ZBTB8B: variants seen among roughly 807,000 people sequenced by gnomAD.
ZBTB8B encodes the protein zinc finger and BTB domain containing 8B, also known as zinc finger and BTB domain-containing protein 8B.
Under a neutral mutation model 30.3 loss-of-function variants are expected in ZBTB8B, and 17 were observed. That is an observed-to-expected ratio of 0.56 (90% confidence interval 0.38 to 0.84). The LOEUF is 0.84. Ranked by LOEUF, ZBTB8B falls within the 40% of genes least tolerant of loss-of-function variation. The probability of loss-of-function intolerance (pLI) is 0.00; values close to 1 mark genes in which losing one functional copy is unlikely to be tolerated. For missense variants in ZBTB8B, 515 were observed against 644.9 expected (o/e 0.80, Z 2.18); for synonymous variants, 248 against 255.6 (o/e 0.97, Z 0.28).
At chr1:32,466,443 G>C (rs1643571149) in intron 1 of ZBTB8B, among the ~76,000 whole-genome samples, 1 of 152,182 alleles carries the variant, frequency 6.6e-6, no homozygotes, top group South Asian at 2.1e-4. Flanking sequence ...TTCCCTGCCA[G>C]AGTGCGGATA....
At chr1:32,469,692 C>A (rs1016085376) in intron 1 of ZBTB8B, among the ~76,000 whole-genome samples, 1 of 152,142 alleles carries the variant, frequency 6.6e-6, no homozygotes, top group Non-Finnish European at 1.5e-5. Context: ...TGGGTCATCT[C>A]CTACCCTCAA....
At chr1:32,476,079 A>C (rs1643662961) in intron 2 of ZBTB8B, among the ~76,000 whole-genome samples, 1 of 151,938 alleles carries the variant, frequency 6.6e-6, no homozygotes, top group African/African-American at 2.4e-5. Flanking sequence ...CAGCCTCCTA[A>C]AGTGCTGGGA....
At chr1:32,467,040 A>C (rs12028296) in intron 1 of ZBTB8B, among the ~76,000 whole-genome samples, 2 of 152,084 alleles carry the variant, frequency 1.3e-5, no homozygotes, top group Admixed American at 1.3e-4. Flanking sequence ...GCCTGTAGTC[A>C]CAGCTACTTG....
intron 3 of ZBTB8B, among the ~76,000 whole-genome samples, chr1:32,483,584 T>C (rs1185391162): frequency 6.6e-6 from 1 of 152,014 alleles, no homozygotes; most frequent in Non-Finnish European, 1.5e-5. Flanking sequence ...TTAGGAGAAA[T>C]ACCTAATGTG....
At chr1:32,481,957 C>T (rs1205042595) in intron 3 of ZBTB8B, among the ~76,000 whole-genome samples, 1 of 152,160 alleles carries the variant, frequency 6.6e-6, no homozygotes, top group Non-Finnish European at 1.5e-5. Flanking sequence ...TTAATGGCTG[C>T]AGATGTTGCA....
chr1:32,473,176 C>T (rs534008423), intron 2 of ZBTB8B, among the ~76,000 whole-genome samples: 21 of 152,250 alleles, frequency 1.4e-4, no homozygotes, highest in East Asian at 3.9e-4. Context: ...CGCGGCGGCA[C>T]GCGCCTGTAA....
At position 32,489,534 on chromosome 1, in the gene ZBTB8B, G is replaced by A. The variant is rs1643766271; in HGVS notation, c.*4116G>A. 1 of 152,116 alleles carries A rather than the reference G, an allele frequency of 6.6e-6. No homozygotes were observed. Among genetic ancestry groups the A allele is most frequent in the African/African-American group, 2.4e-5 (1 of 41,416 alleles). The allele number at this position is 152,116 out of a possible 1,614,324, so 9.4% of individuals were successfully genotyped here. On this transcript the variant is annotated 3_prime_UTR_variant, in exon 4 of 4. Transcript: ENST00000609129. ...GGTGGTCAGTATTTATAATCACAGTGTCTTTGAGGTTTAATTTGTGGGGTT... is the reference window on the plus strand; with the variant it reads ...GGTGGTCAGTATTTATAATCACAGTATCTTTGAGGTTTAATTTGTGGGGTT...
At chr1:32,469,363 A>G (rs1643598801) in intron 1 of ZBTB8B, among the ~76,000 whole-genome samples, 1 of 148,040 alleles carries the variant, frequency 6.8e-6, no homozygotes, top group Non-Finnish European at 1.5e-5. Context: ...CTCCTTCCTC[A>G]GCCTCCTGAG....
chr1:32,482,133 A>G (rs1376063751), intron 3 of ZBTB8B, among the ~76,000 whole-genome samples: 1 of 151,942 alleles, frequency 6.6e-6, no homozygotes, highest in Non-Finnish European at 1.5e-5. Flanking sequence ...ACACACCACC[A>G]TGCCCAGCTA....
chr1:32,466,812 A>G (rs1643574350), intron 1 of ZBTB8B, among the ~76,000 whole-genome samples: 1 of 152,068 alleles, frequency 6.6e-6, no homozygotes, highest in East Asian at 1.9e-4. Flanking sequence ...ACAAGTTAAG[A>G]AGTGTTGTGC....
chr1:32,489,860 G>A lies in ZBTB8B; in HGVS notation c.*4442G>A, dbSNP rs1643768122. ...TAGTGCATCATGATTCTGATCATTTGGCAGAAAGATGCCGTTCTGATGTAA... is the reference window on the plus strand; with the variant it reads ...TAGTGCATCATGATTCTGATCATTTAGCAGAAAGATGCCGTTCTGATGTAA... On this transcript the variant is annotated 3_prime_UTR_variant, in exon 4 of 4. Transcript: ENST00000609129. 1 of 152,136 alleles carries A rather than the reference G, an allele frequency of 6.6e-6. No individual in the cohort carries two copies. Among genetic ancestry groups the A allele is most frequent in the African/African-American group, 2.4e-5 (1 of 41,422 alleles). 9.4% of individuals were successfully genotyped at this position (152,136 alleles called of 1,614,324 possible).
chr1:32,490,669 A>G lies in ZBTB8B; in HGVS notation c.*5251A>G, dbSNP rs1007569131. ...CAGTGGCACAATCTCGGCTCACTGC[A>G]AGCTCCGCCTCCTGGGTTCATGCCA... On this transcript the variant is annotated 3_prime_UTR_variant, in exon 4 of 4. Transcript: ENST00000609129. 6.6e-6 allele frequency: 1 copy of G among 151,956 alleles called. No individual in the cohort carries two copies. Among genetic ancestry groups the G allele is most frequent in the Non-Finnish European group, 1.5e-5 (1 of 68,026 alleles). The allele number at this position is 151,956 out of a possible 1,614,324, so 9.4% of individuals were successfully genotyped here. A position where few individuals can be genotyped will look rare whatever the true frequency, so the allele number is the denominator to read the frequency against.
At chr1:32,466,233 C>T (rs1643569427) in intron 1 of ZBTB8B, among the ~76,000 whole-genome samples, 1 of 152,094 alleles carries the variant, frequency 6.6e-6, no homozygotes, top group Non-Finnish European at 1.5e-5. Flanking sequence ...TGAACAGAGA[C>T]AGTTGTGTGA....
At position 32,485,161 on chromosome 1, in the gene ZBTB8B, C is replaced by T; in HGVS notation, c.1231C>T (p.Leu411=). Residue 411 remains leucine (L), a synonymous_variant, in exon 4 of 4, where the codon CTG becomes TTG. Transcript: ENST00000609129. The part of the protein sequence containing the change: ...KGCRRTFTSH[L]SQGLRRFGLC... ...CTGCAGGAGAACATTCACGAGTCAC[C>T]TGTCCCAGGGGCTGCGGCGCTTCGG... is the stretch of plus-strand genomic sequence containing the variant. 1 of 1,552,082 alleles carries T rather than the reference C, an allele frequency of 6.4e-7. No individual in the cohort carries two copies. Among genetic ancestry groups the T allele is most frequent in the South Asian group, 1.2e-5 (1 of 84,054 alleles).
At chr1:32,470,499 CAAAAAAAAA>C (rs60700558) in intron 1 of ZBTB8B, 76 bp from the exon 2 acceptor site, 219 of 359,110 alleles carry the variant, frequency 6.1e-4, no homozygotes, top group East Asian at 2.3e-3. Flanking sequence ...GACGCTGACT[CAAAAAAAAA>C]AAAAAAAAAA....
At chr1:32,473,779 T>C (rs1282513101) in intron 2 of ZBTB8B, among the ~76,000 whole-genome samples, 4 of 152,024 alleles carry the variant, frequency 2.6e-5, no homozygotes, top group Non-Finnish European at 5.9e-5. Flanking sequence ...CCTCAGCCTC[T>C]CAAAGTGCCA....
rs779364197 is a variant in ZBTB8B, at chr1:32,471,433, T to G, written c.809T>G (p.Leu270Trp). 2.6e-5 allele frequency: 40 copies of G among 1,551,706 alleles called. No individual in the cohort carries two copies. Among genetic ancestry groups the G allele is most frequent in the Non-Finnish European group, 3.3e-5 (38 of 1,147,032 alleles). Residue 270 changes from leucine (L) to tryptophan (W), a missense_variant, in exon 2 of 4, where the codon TTG becomes TGG. Transcript: ENST00000609129. The part of the protein sequence containing the change: ...EALPSGQAVD[L>W]AYSNYHVKQF... ...TTGCCAAGCGGCCAGGCGGTTGACT[T>G]GGCTTACAGCAACTACCACGTGAAG... is the stretch of plus-strand genomic sequence containing the variant.
In ZBTB8B at chr1:32,495,154, C is replaced by T. The variant is rs1027086872; in HGVS notation, c.*9736C>T. The T allele has an allele frequency of 1.3e-5, 2 of 152,158 alleles. No individual in the cohort carries two copies. The highest frequency in any genetic ancestry group is 4.8e-5 in the African/African-American group (2 of 41,428). 9.4% of individuals were successfully genotyped at this position (152,158 alleles called of 1,614,324 possible). ...ATTCAGGGAATGTAACAAGAACAATCTTATTTGAAACAGAAAACCACATAT... is the reference window on the plus strand; with the variant it reads ...ATTCAGGGAATGTAACAAGAACAATTTTATTTGAAACAGAAAACCACATAT... On this transcript the variant is annotated 3_prime_UTR_variant, in exon 4 of 4. Coordinates refer to ENST00000609129, the MANE Select transcript of ZBTB8B (RefSeq NM_001145720.2).
chr1:32,489,556 G>T lies in ZBTB8B; in HGVS notation c.*4138G>T, dbSNP rs900422759. 2.0e-5 allele frequency: 3 copies of T among 152,092 alleles called. No individual in the cohort carries two copies. The highest frequency in any genetic ancestry group is 7.2e-5 in the African/African-American group (3 of 41,380). 9.4% of individuals were successfully genotyped at this position (152,092 alleles called of 1,614,324 possible). A position where few individuals can be genotyped will look rare whatever the true frequency, so the allele number is the denominator to read the frequency against. On this transcript the variant is annotated 3_prime_UTR_variant, in exon 4 of 4. Coordinates refer to ENST00000609129, the MANE Select transcript of ZBTB8B (RefSeq NM_001145720.2). ...AGTGTCTTTGAGGTTTAATTTGTGG[G>T]GTTGGTGGTATTTTTATACTAAGTA...
Sources: gnomAD v4.1 joint callset for allele counts (sites outside exome capture counted in the v4.1 genomes callset) on GRCh38, gnomAD v4.1.1 for gene constraint, MANE v1.5 for transcripts, NCBI Gene and HGNC (gene_info 2026-07-23, HGNC 2026-07-21) for gene names.